The following BTBD8 variants were observed in gnomAD, a reference collection of about 807,000 sequenced individuals.
BTBD8 encodes the protein BTB domain containing 8, also known as BTB/POZ domain-containing protein 8.
Under a neutral mutation model 162.9 loss-of-function variants are expected in BTBD8, and 110 were observed. That is an observed-to-expected ratio of 0.68 (90% CI 0.58 to 0.79). The LOEUF (loss-of-function observed/expected upper bound fraction) is 0.79. BTBD8 is among the 30% of genes least tolerant of loss of function. BTBD8 has a pLI of 0.00. For synonymous variants in BTBD8, 667 were observed against 716.1 expected (o/e 0.93, Z 1.10); for missense variants, 1,905 against 2,085.4 (o/e 0.91, Z 1.68).
intron 6 of BTBD8, chr1:92,139,800 A>C (rs1032992716): frequency 2.3e-5 from 4 of 173,226 alleles, no homozygotes; most frequent in African/African-American, 7.2e-5. Context: ...ATAGTTAAGA[A>C]TATAGGGGCT....
intron 7 of BTBD8, among the ~76,000 whole-genome samples, chr1:92,145,642 TTTTA>T (rs1219441045): frequency 5.9e-5 from 9 of 152,320 alleles, no homozygotes; most frequent in African/African-American, 1.9e-4. Context: ...TGTATCTACC[TTTTA>T]TTTGTTTTCA....
chr1:92,133,471 C>T, intron 5 of BTBD8, among the ~76,000 whole-genome samples: 2 of 152,330 alleles, frequency 1.3e-5, no homozygotes, highest in Middle Eastern at 3.4e-3. Flanking sequence ...CTTTGCATAA[C>T]CAGCAGCTTC....
At chr1:92,093,132 C>T (rs1343905682) in intron 2 of BTBD8, among the ~76,000 whole-genome samples, 1 of 151,196 alleles carries the variant, frequency 6.6e-6, no homozygotes, top group Non-Finnish European at 1.5e-5. Context: ...CTTAGAAAAT[C>T]ACTATCATTT....
intron 7 of BTBD8, among the ~76,000 whole-genome samples, chr1:92,143,503 T>C (rs1411296273): frequency 5.9e-5 from 9 of 152,158 alleles, no homozygotes; most frequent in Admixed American, 4.6e-4. Flanking sequence ...ATTTATTTAT[T>C]TACGTATGTA....
chr1:92,184,299 G>A lies in BTBD8; in HGVS notation c.5348G>A (p.Trp1783Ter), dbSNP rs573066577. 1 of 1,550,384 alleles carries A rather than the reference G, an allele frequency of 6.5e-7. No homozygotes were observed. The highest frequency in any genetic ancestry group is 2.4e-5 in the East Asian group (1 of 40,906). The change falls in exon 18 of 18, where the codon TGG becomes TAG. Residue 1783 changes from tryptophan to a stop codon, truncating the protein, a stop_gained. Coordinates refer to ENST00000636805, the MANE Select transcript of BTBD8 (RefSeq NM_001376131.1). LOFTEE classifies it high-confidence loss of function. ...GAAGATTGTTCGCCTCAAGGCGAGT[G>A]GACAATTCTGGAACTGGAAACTCAG... is the stretch of plus-strand genomic sequence containing the variant. ...SSEDCSPQGE[W>*]TILELETQH
chr1:92,146,683 A>G (rs580905), intron 7 of BTBD8, among the ~76,000 whole-genome samples: 150,568 of 152,298 alleles, frequency 0.99, 74,430 homozygotes, highest in East Asian at 1. Context: ...TTTTTCCGGG[A>G]TGTAATATAG....
chr1:92,099,616 A>G (rs892887316), intron 2 of BTBD8, among the ~76,000 whole-genome samples: 2 of 152,108 alleles, frequency 1.3e-5, no homozygotes, highest in Non-Finnish European at 2.9e-5. Context: ...TGTTAAATAT[A>G]TTCCTGGTAT....
Position 92,177,184 on chromosome 1 carries a change from C to T in BTBD8, c.1991C>T (p.Thr664Ile). 6.5e-7 allele frequency: 1 copy of T among 1,547,790 alleles called. No individual in the cohort carries two copies. Among genetic ancestry groups the T allele is most frequent in the East Asian group, 2.4e-5 (1 of 40,890 alleles). The change falls in exon 14 of 18, where the codon ACA becomes ATA. Residue 664 changes from threonine (T) to isoleucine (I), a missense_variant. Physicochemically the swap from Thr to Ile is moderately conservative, Grantham distance 89. This residue lies in a region of BTBD8 where 1,374 missense variants were observed against 1,442.7 expected (regional missense o/e 0.95). Transcript: ENST00000636805. Reference protein sequence around the residue: ...SPRQVVERSATAAAAATGQKN... With the variant: ...SPRQVVERSAIAAAAATGQKN... ...AGACAAGTTGTAGAAAGATCAGCAA[C>T]AGCAGCAGCAGCAGCAACTGGACAG...
At chr1:92,124,818 G>T in intron 4 of BTBD8, among the ~76,000 whole-genome samples, 1 of 152,104 alleles carries the variant, frequency 6.6e-6, no homozygotes, top group Non-Finnish European at 1.5e-5. Context: ...TATCTTTCTT[G>T]TCATTTTTTC....
chr1:92,131,662 T>C (rs1649518854), intron 5 of BTBD8, among the ~76,000 whole-genome samples: 1 of 150,634 alleles, frequency 6.6e-6, no homozygotes, highest in Non-Finnish European at 1.5e-5. Flanking sequence ...AGGCAGAGGT[T>C]GCAGTGAGCT....
intron 4 of BTBD8, among the ~76,000 whole-genome samples, chr1:92,110,969 G>A (rs183870166): frequency 8.0e-5 from 12 of 149,916 alleles, no homozygotes; most frequent in Admixed American, 2.0e-4. Context: ...ATGCTGCCTC[G>A]TTGAAAAAGC....
chr1:92,174,202 A>AT (rs886100077), intron 13 of BTBD8, among the ~76,000 whole-genome samples: 1 of 151,900 alleles, frequency 6.6e-6, no homozygotes, highest in Non-Finnish European at 1.5e-5. Context: ...AATTTTTCCT[A>AT]TTTTTTGAGA....
At chr1:92,088,155 A>G (rs78569345) in intron 1 of BTBD8, among the ~76,000 whole-genome samples, 5,468 of 152,230 alleles carry the variant, frequency 0.036, 314 homozygotes, top group African/African-American at 0.13. Context: ...CACATTTTTG[A>G]CAGCCACACC....
chr1:92,135,633 T>G (rs181454587), intron 5 of BTBD8, among the ~76,000 whole-genome samples: 1 of 152,152 alleles, frequency 6.6e-6, no homozygotes, highest in African/African-American at 2.4e-5. Context: ...ATAAACACTT[T>G]TAGTAAAAAA....
At chr1:92,114,536 A>G (rs1161754510) in intron 4 of BTBD8, among the ~76,000 whole-genome samples, 1 of 152,030 alleles carries the variant, frequency 6.6e-6, no homozygotes, top group African/African-American at 2.4e-5. Context: ...TATCTGTTCA[A>G]ATAGGCTCAA....
At chr1:92,118,803 C>CTTTTTTTTTTTTTTTTCTTTT in intron 4 of BTBD8, among the ~76,000 whole-genome samples, 1 of 95,282 alleles carries the variant, frequency 1.0e-5, no homozygotes, top group Non-Finnish European at 1.9e-5. Flanking sequence ...TTCTTTCTTT[C>CTTTTTTTTTTTTTTTTCTTTT]TTTTTTTTTT....
At chr1:92,133,454 A>G (rs551051629) in intron 5 of BTBD8, among the ~76,000 whole-genome samples, 39 of 152,352 alleles carry the variant, frequency 2.6e-4, no homozygotes, top group Non-Finnish European at 5.1e-4. Context: ...CAGGACAGCA[A>G]TGCTTACTTT....
rs138674582 is a variant in BTBD8, at chr1:92,080,974, A to G, written c.149+254A>G. The stretch of plus-strand genomic sequence containing the variant: ...AAACAAAAAAAGCTTAGTCGTGTGC[A>G]GCACTAGTTTGCTAGAAATATCTCA... On this transcript the variant is annotated intron_variant, in intron 1 of 17. Transcript: ENST00000636805. 5.9e-5 allele frequency among the ~76,000 whole-genome samples: 9 copies of G among 152,380 alleles called. No individual in the cohort carries two copies. In the East Asian group the frequency reaches 1.3e-3, roughly 23 times the overall value.
intron 9 of BTBD8, among the ~76,000 whole-genome samples, chr1:92,157,954 C>T (rs1445352547): frequency 6.6e-6 from 1 of 152,150 alleles, no homozygotes; most frequent in Non-Finnish European, 1.5e-5. Context: ...ATTGTTGTAT[C>T]TTCCTATCTT....
Sources: gnomAD v4.1 joint callset for allele counts (sites outside exome capture counted in the v4.1 genomes callset) on GRCh38, gnomAD v4.1.1 for gene constraint, gnomAD v4.1.1 regional missense constraint, MANE v1.5 for transcripts, NCBI Gene and HGNC (gene_info 2026-07-23, HGNC 2026-07-21) for gene names.